Variants in KCP observed in about 807,000 individuals in gnomAD.
The protein encoded by KCP is kielin/chordin-like protein.
Under a neutral mutation model 212.7 loss-of-function variants are expected in KCP, and 194 were observed. The observed-to-expected ratio is 0.91, with a 90% CI of 0.81 to 1.03. The LOEUF is 1.03. Among genes scored for constraint, KCP ranks in the 50% least tolerant of loss-of-function variants. KCP has a pLI of 0.00. For synonymous variants in KCP, 833 were observed against 865.3 expected, an observed-to-expected ratio of 0.96 and a Z score of 0.65; for missense variants, 2,080 against 2,162.5, an observed-to-expected ratio of 0.96 and a Z score of 0.76.
At position 128,892,549 on chromosome 7, in the gene KCP, T is replaced by G. The variant is rs1280174977; in HGVS notation, c.1586A>C (p.Gln529Pro). The G allele has an allele frequency of 1.9e-6, 3 of 1,547,954 alleles. No homozygotes were observed. In the African/African-American group the frequency reaches 4.1e-5, roughly 21 times the overall value. The change falls in exon 16 of 40, where the codon CAG becomes CCG. Residue 529 changes from glutamine to proline, a missense_variant. By Grantham distance (76) the Gln-to-Pro change is moderately conservative (BLOSUM62 -1). Transcript: ENST00000610776. The stretch of plus-strand genomic sequence containing the variant: ...GGGGCAACACTGGCCTGGTCCACTC[T>G]GGGGCCTGGCACAGGTCGTGGGAGG... ...DCPPTTCARP[Q>P]SGPGQCCPRC...
In KCP at chr7:128,902,802, TC is replaced by T. The variant is rs764959256; in HGVS notation, c.805del (p.Asp269ThrfsTer44). ...CAGGCACCGGCAGATTCGGCAGGGG[TC>T]CCCAGGTGTTGTCCACTCTTGGCCA... ...EHGQEWTTPGDPCRICRCLEG... is the reference protein window; with the variant it reads ...EHGQEWTTPGXPCRICRCLEG... On this transcript the variant is annotated frameshift_variant, in exon 8 of 40. Transcript: ENST00000610776. LOFTEE classifies it high-confidence loss of function. 753 of 1,551,210 alleles carry T rather than the reference TC, an allele frequency of 4.9e-4. No individual in the cohort carries two copies. Among genetic ancestry groups the T allele is most frequent in the Non-Finnish European group, 5.7e-4 (657 of 1,147,002 alleles).
intron 5 of KCP, chr7:128,904,397 G>C: frequency 6.5e-7 from 1 of 1,527,566 alleles, no homozygotes; most frequent in Non-Finnish European, 8.9e-7. Flanking sequence ...GGCAGACACT[G>C]AGCCAGCCCT....
Position 128,908,251 on chromosome 7 carries a change from G to GAGA in KCP, c.219+174_219+175insTCT, listed in dbSNP as rs1554420449. Among the ~76,000 whole-genome samples, 556 of 101,278 alleles carry GAGA rather than the reference G, an allele frequency of 5.5e-3. 16 individuals carry two copies. Among genetic ancestry groups the GAGA allele is most frequent in the African/African-American group, 0.019 (486 of 25,844 alleles). 66.4% of individuals were successfully genotyped at this position (101,278 alleles called of 152,430 possible). On this transcript the variant is annotated intron_variant, in intron 2 of 39. Coordinates refer to ENST00000610776, the MANE Select transcript of KCP (RefSeq NM_001366122.1). ...AGGAAAGAAGAAAGGAAGAAAGAAA[G>GAGA]AAGAAAGAAAGAAAGAAAGAAAGAA...
chr7:128,884,913 C>T, intron 27 of KCP, 50 bp from the exon 28 acceptor site: 4 of 1,532,056 alleles, frequency 2.6e-6, no homozygotes, highest in Non-Finnish European at 3.5e-6. Context: ...TTCAGGCTGG[C>T]AGCGAGGCAG....
intron 10 of KCP, 25 bp from the exon 11 acceptor site, chr7:128,893,924 G>A (rs747426211): frequency 5.2e-6 from 8 of 1,550,288 alleles, no homozygotes; most frequent in Middle Eastern, 1.7e-4. Context: ...TGGTCAGCAC[G>A]CCAGAGGCAG....
intron 10 of KCP, 23 bp from the exon 11 acceptor site, chr7:128,893,922 A>T (rs1293332283): frequency 1.9e-6 from 3 of 1,550,378 alleles, no homozygotes; most frequent in Non-Finnish European, 1.7e-6. Flanking sequence ...CCTGGTCAGC[A>T]CGCCAGAGGC....
chr7:128,908,943 C>T (rs1795294332), intron 1 of KCP, among the ~76,000 whole-genome samples: 1 of 149,376 alleles, frequency 6.7e-6, no homozygotes, highest in Admixed American at 6.6e-5. Flanking sequence ...AGGCTTGTGA[C>T]AGGGGTTCCT....
intron 1 of KCP, among the ~76,000 whole-genome samples, 168 bp from the exon 2 acceptor site, chr7:128,908,736 C>T (rs571336734): frequency 3.3e-5 from 5 of 152,378 alleles, no homozygotes; most frequent in African/African-American, 4.8e-5. Context: ...CAGGCTGAAA[C>T]GCAGGGGAAG....
chr7:128,883,757 G>A (rs913665044), intron 29 of KCP, among the ~76,000 whole-genome samples: 2 of 152,294 alleles, frequency 1.3e-5, no homozygotes, highest in East Asian at 1.9e-4. Context: ...CACAACTGTC[G>A]CCCTGCAGCG....
intron 1 of KCP, among the ~76,000 whole-genome samples, chr7:128,909,258 G>A (rs1212226411): frequency 1.3e-5 from 2 of 152,182 alleles, no homozygotes; most frequent in African/African-American, 4.8e-5. Context: ...GGCAGGGATG[G>A]GCAGGGAAGT....
chr7:128,881,289 G>C (rs1793318318), intron 31 of KCP, among the ~76,000 whole-genome samples: 1 of 152,218 alleles, frequency 6.6e-6, no homozygotes, highest in African/African-American at 2.4e-5. Context: ...TAGGGTCCTA[G>C]GAGCCCAAAG....
rs373975213 is a variant in KCP, at chr7:128,884,754, C to A, written c.3123+27G>T. 129 of 1,549,226 alleles carry A rather than the reference C, an allele frequency of 8.3e-5. No homozygotes were observed. The African/African-American group carries it at 1.6e-3, about 19-fold the overall frequency. ...CCCACTCCCCCCCGACGAGGTGCCC[C>A]AGCCCCACCACTGTGCCCTCACCTA... On this transcript the variant is annotated intron_variant, in intron 28 of 39. Transcript: ENST00000610776.
At chr7:128,878,233 T>C (rs1186388196) in intron 38 of KCP, among the ~76,000 whole-genome samples, 1 of 152,068 alleles carries the variant, frequency 6.6e-6, no homozygotes, top group Non-Finnish European at 1.5e-5. Flanking sequence ...TAATTTTGTA[T>C]TTTTAGTAGA....
rs377213046 is a variant in KCP, at chr7:128,890,344, A to G, written c.2334T>C (p.Asp778=). ...PARGDCCPDC[D]GCEYLGESYL... ...AGCTCCCTATCCCATGACCCTCACC[A>G]TCACAGTCAGGGCAGCAGTCGCCCC... Residue 778 remains aspartate, a splice_region_variant and synonymous_variant, in exon 21 of 40, where the codon GAT becomes GAC. Coordinates refer to ENST00000610776, the MANE Select transcript of KCP (RefSeq NM_001366122.1). 1.2e-5 allele frequency: 19 copies of G among 1,551,486 alleles called. 1 individual carries two copies. Among genetic ancestry groups the G allele is most frequent in the East Asian group, 9.8e-5 (4 of 40,914 alleles).
At chr7:128,889,132 C>G in intron 21 of KCP, 93 bp from the exon 22 acceptor site, 1 of 998,338 alleles carries the variant, frequency 1.0e-6, no homozygotes, top group South Asian at 2.2e-5. Flanking sequence ...TGTTATGCAT[C>G]CAAGATCTCA....
At chr7:128,904,023 C>G in intron 6 of KCP, 33 bp downstream of exon 6, 1 of 1,533,326 alleles carries the variant, frequency 6.5e-7, no homozygotes. Context: ...CAGGGAGGTG[C>G]AGGGCCTGGG....
chr7:128,879,490 G>A (rs747762032), intron 37 of KCP, 32 bp downstream of exon 37: 35 of 1,530,062 alleles, frequency 2.3e-5, no homozygotes, highest in Admixed American at 2.0e-5. Context: ...CTCCCAGCAG[G>A]CAGCCCACCC....
At chr7:128,893,158 G>A (rs374626985) in intron 13 of KCP, 80 bp downstream of exon 13, 83 of 1,403,510 alleles carry the variant, frequency 5.9e-5, no homozygotes, top group African/African-American at 8.5e-5. Flanking sequence ...CCCGTACCCC[G>A]TCCTGGGAAG....
intron 8 of KCP, among the ~76,000 whole-genome samples, chr7:128,902,400 T>A (rs1010248694): frequency 6.6e-6 from 1 of 152,238 alleles, no homozygotes; most frequent in Non-Finnish European, 1.5e-5. Flanking sequence ...CCTGGCCACA[T>A]GTCAAGTGCT....
Sources: gnomAD v4.1 joint callset for allele counts (sites outside exome capture counted in the v4.1 genomes callset) on GRCh38, gnomAD v4.1.1 for gene constraint, MANE v1.5 for transcripts, NCBI Gene and HGNC (gene_info 2026-07-23, HGNC 2026-07-21) for gene names.